The following CLECL1 variants were observed in gnomAD, a reference collection of about 807,000 sequenced individuals.
CLECL1 encodes C-type lectin like 1.
chr12:9,718,689 A>G (rs944390440), downstream of CLECL1: 17 of 699,198 alleles, frequency 2.4e-5, no homozygotes, highest in Non-Finnish European at 4.2e-5. Flanking sequence ...ATGTCCTTAC[A>G]AGAAGAAATT....
At chr12:9,720,776 G>C (rs1197918666), downstream of CLECL1, among the ~76,000 whole-genome samples, 3 of 152,150 alleles carry the variant, frequency 2.0e-5, no homozygotes, top group Non-Finnish European at 4.4e-5. Context: ...GAGGTGGTGG[G>C]ATTTTCTAAT....
the CLECL1 span, among the ~76,000 whole-genome samples, chr12:9,709,731 A>G: frequency 6.6e-6 from 1 of 152,196 alleles, no homozygotes; most frequent in Admixed American, 6.5e-5. Flanking sequence ...TGGCATCCCA[A>G]TGATGAGATG....
chr12:9,733,564 T>A (rs1375356373), upstream of CLECL1, among the ~76,000 whole-genome samples: 1 of 152,170 alleles, frequency 6.6e-6, no homozygotes, highest in African/African-American at 2.4e-5. Flanking sequence ...ACCTTAAAAA[T>A]TCTGAAAGCT....
exon 4 of CLECL1, chr12:9,722,796 T>C: frequency 6.2e-7 from 1 of 1,608,220 alleles, no homozygotes; most frequent in Non-Finnish European, 8.5e-7. Flanking sequence ...TTATGGACAG[T>C]AGAAAAGTTG....
chr12:9,716,769 T>C (rs1426556495), exon 3 of CLECL1: 4 of 1,279,786 alleles, frequency 3.1e-6, no homozygotes, highest in Non-Finnish European at 4.1e-6. Context: ...TCAAAAAAGA[T>C]TGGATTTCTA....
At chr12:9,721,944 T>C (rs1016743753), downstream of CLECL1, among the ~76,000 whole-genome samples, 1 of 152,188 alleles carries the variant, frequency 6.6e-6, no homozygotes, top group Non-Finnish European at 1.5e-5. Flanking sequence ...AGGGACTTTT[T>C]CCCTCAGATG....
At chr12:9,722,748 T>G in exon 4 of CLECL1, 1 of 1,614,022 alleles carries the variant, frequency 6.2e-7, no homozygotes, top group Non-Finnish European at 8.5e-7. Flanking sequence ...CAGTAACATT[T>G]TCCCTTATGC....
At chr12:9,726,938 T>C (rs1335198627) in intron 3 of CLECL1, among the ~76,000 whole-genome samples, 2 of 151,878 alleles carry the variant, frequency 1.3e-5, no homozygotes, top group East Asian at 3.8e-4. Context: ...TAAACACCAA[T>C]GTAAAATCTT....
At chr12:9,708,366 C>T in the CLECL1 span, among the ~76,000 whole-genome samples, 1 of 152,098 alleles carries the variant, frequency 6.6e-6, no homozygotes, top group African/African-American at 2.4e-5. Flanking sequence ...TGAAACGACC[C>T]CTGCTGGCTG....
chr12:9,708,662 T>G, the CLECL1 span, among the ~76,000 whole-genome samples: 1 of 152,128 alleles, frequency 6.6e-6, no homozygotes, highest in Non-Finnish European at 1.5e-5. Context: ...AAGGCATAGA[T>G]AAGGGCAGTT....
chr12:9,727,735 G>A (rs1301731061), intron 2 of CLECL1, among the ~76,000 whole-genome samples: 1 of 151,752 alleles, frequency 6.6e-6, no homozygotes, highest in Non-Finnish European at 1.5e-5. Context: ...AAAACCATTA[G>A]TCTGTAGTTA....
downstream of CLECL1, among the ~76,000 whole-genome samples, chr12:9,712,552 T>C (rs753026978): frequency 2.4e-4 from 36 of 152,326 alleles, 4 homozygotes; most frequent in South Asian, 7.5e-3. Flanking sequence ...TTTTTCATGT[T>C]TTATTGCACT....
chr12:9,712,743 A>T (rs758135206), downstream of CLECL1, among the ~76,000 whole-genome samples: 1 of 152,152 alleles, frequency 6.6e-6, no homozygotes. Flanking sequence ...GGCTTCCAAG[A>T]GTTTTAATCA....
At chr12:9,710,579 A>G in the CLECL1 span, among the ~76,000 whole-genome samples, 2 of 152,126 alleles carry the variant, frequency 1.3e-5, no homozygotes, top group African/African-American at 2.4e-5. Flanking sequence ...ATTTCCCAAG[A>G]CCACCCTGGC....
At chr12:9,704,165 C>T in the CLECL1 span, 1 of 152,028 alleles carries the variant, frequency 6.6e-6, no homozygotes, top group Non-Finnish European at 1.5e-5. Context: ...ATGGTAAGTT[C>T]ATAGTACTTT....
chr12:9,731,788 T>C, intron 1 of CLECL1, among the ~76,000 whole-genome samples: 1 of 152,188 alleles, frequency 6.6e-6, no homozygotes, highest in East Asian at 1.9e-4. Context: ...AGAATAAGGT[T>C]TTATTTATAA....
downstream of CLECL1, among the ~76,000 whole-genome samples, chr12:9,714,074 G>C (rs370974290): frequency 6.6e-6 from 1 of 152,168 alleles, no homozygotes; most frequent in Admixed American, 6.5e-5. Flanking sequence ...TTCTTCATAA[G>C]AGTCTCTTGC....
downstream of CLECL1, among the ~76,000 whole-genome samples, chr12:9,719,497 G>A (rs762199993): frequency 1.3e-5 from 2 of 152,350 alleles, no homozygotes; most frequent in East Asian, 3.9e-4. Flanking sequence ...CTGCACTCCA[G>A]CCTGGGCGAA....
At chr12:9,727,431 T>C (rs534768117) in intron 3 of CLECL1, among the ~76,000 whole-genome samples, 59 of 151,922 alleles carry the variant, frequency 3.9e-4, no homozygotes, top group Non-Finnish European at 6.8e-4. Flanking sequence ...AATGAGTCCA[T>C]GAAAAGCAAT....
Sources: gnomAD v4.1 joint callset for allele counts (sites outside exome capture counted in the v4.1 genomes callset) on GRCh38, gnomAD v4.1.1 for gene constraint, MANE v1.5 for transcripts, NCBI Gene and HGNC (gene_info 2026-07-23, HGNC 2026-07-21) for gene names.